The following PPP1R3A variants were observed in gnomAD, a reference collection of about 807,000 sequenced individuals.
The protein encoded by PPP1R3A is protein phosphatase 1 regulatory subunit 3A.
A neutral mutation model predicts 41.7 loss-of-function variants in PPP1R3A; 29 were observed. That is an observed-to-expected ratio of 0.70 (90% confidence interval 0.52 to 0.95). The LOEUF (loss-of-function observed/expected upper bound fraction) is 0.95, where lower values mean the gene tolerates loss of function less well. Among genes scored for constraint, PPP1R3A ranks in the 40% least tolerant of loss-of-function variants. The pLI is 0.00. For missense variants in PPP1R3A, 1,352 were observed against 1,292.4 expected, an observed-to-expected ratio of 1.05 and a Z score of -0.71; for synonymous variants, 485 against 453.4, an observed-to-expected ratio of 1.07 and a Z score of -0.89.
chr7:113,910,458 T>C (rs1187180351), intron 1 of PPP1R3A, among the ~76,000 whole-genome samples: 1 of 152,112 alleles, frequency 6.6e-6, no homozygotes, highest in Admixed American at 6.6e-5. Flanking sequence ...AATAATCTTA[T>C]GCACCTACTT....
At chr7:113,899,354 T>C (rs181202153) in intron 1 of PPP1R3A, among the ~76,000 whole-genome samples, 6 of 151,924 alleles carry the variant, frequency 3.9e-5, no homozygotes, top group Admixed American at 3.3e-4. Context: ...CGCTGTGTGA[T>C]GTACCTTTTT....
rs537413986 is a variant in PPP1R3A, at chr7:113,911,546, C to T, written c.782+6669G>A. ...TGTGCAATCAACTCAGATATTTAGTCCAAAAGAACCATCTTCAGAAGAACT... is the reference window on the plus strand; with the variant it reads ...TGTGCAATCAACTCAGATATTTAGTTCAAAAGAACCATCTTCAGAAGAACT... On this transcript the variant is annotated intron_variant, in intron 1 of 3. Coordinates refer to ENST00000284601, the MANE Select transcript of PPP1R3A (RefSeq NM_002711.4). Among the ~76,000 whole-genome samples the T allele has an allele frequency of 2.0e-5, 3 of 152,060 alleles. No individual in the cohort carries two copies. The South Asian group carries it at 6.2e-4, about 32-fold the overall frequency.
At chr7:113,886,410 C>A (rs1051449102) in intron 1 of PPP1R3A, among the ~76,000 whole-genome samples, 7 of 152,094 alleles carry the variant, frequency 4.6e-5, no homozygotes, top group Non-Finnish European at 1.0e-4. Flanking sequence ...CTGCTGCCAC[C>A]CATGTAAGAT....
chr7:113,916,773 T>C (rs538098957), intron 1 of PPP1R3A, among the ~76,000 whole-genome samples: 1 of 152,186 alleles, frequency 6.6e-6, no homozygotes, highest in South Asian at 2.1e-4. Flanking sequence ...GTTGAACTTA[T>C]TTTGTTAGTG....
chr7:113,899,257 A>C (rs2129118025), intron 1 of PPP1R3A, among the ~76,000 whole-genome samples: 1 of 151,866 alleles, frequency 6.6e-6, no homozygotes, highest in South Asian at 2.1e-4. Flanking sequence ...TATTGATTAA[A>C]ATCTGTGCTC....
chr7:113,879,243 C>T lies in PPP1R3A; in HGVS notation c.1849G>A (p.Val617Ile). Residue 617 changes from valine (V) to isoleucine (I), a missense_variant, in exon 4 of 4, where the codon GTT becomes ATT. Physicochemically the swap from Val to Ile is conservative, Grantham distance 29. Coordinates refer to ENST00000284601, the MANE Select transcript of PPP1R3A (RefSeq NM_002711.4). ...GSALGGITGQ[V>I]CSSRTGNVLR... ...ACATTTCCAGTTCTTGATGAACAAA[C>T]TTGACCAGTTATCCCTCCTAAAGCG... is the stretch of plus-strand genomic sequence containing the variant. The T allele has an allele frequency of 1.2e-6, 2 of 1,613,658 alleles. No individual in the cohort carries two copies. The highest frequency in any genetic ancestry group is 1.7e-6 in the Non-Finnish European group (2 of 1,179,750).
Position 113,882,144 on chromosome 7 carries a change from G to A in PPP1R3A, c.861C>T (p.Ile287=), listed in dbSNP as rs1416557912. 6.2e-7 allele frequency: 1 copy of A among 1,611,202 alleles called. No homozygotes were observed. The highest frequency in any genetic ancestry group is 1.3e-5 in the African/African-American group (1 of 74,824). Residue 287 remains isoleucine (I), a synonymous_variant, in exon 3 of 4, where the codon ATC becomes ATT. Coordinates refer to ENST00000284601, the MANE Select transcript of PPP1R3A (RefSeq NM_002711.4). ...CTTCCTTGTCCTCATGAGAACAAAT[G>A]ATTGTTGGGATATAGGTATCTGAAA... ...PKNTDTYIPT[I]ICSHEDKEDL... is the part of the protein sequence containing the mutation.
rs1796656345 is a variant in PPP1R3A at position 113,879,813 on chromosome 7, G to C, written c.1279C>G (p.Leu427Val). The change falls in exon 4 of 4, where the codon CTA (leucine) becomes GTA (valine). Residue 427 changes from leucine (L) to valine (V), a missense_variant. By Grantham distance (32) the Leu-to-Val change is conservative. Coordinates refer to ENST00000284601, the MANE Select transcript of PPP1R3A (RefSeq NM_002711.4). ...PSLGDTSSDELVQLHTGSKEV... is the reference protein window; with the variant it reads ...PSLGDTSSDEVVQLHTGSKEV... The stretch of plus-strand genomic sequence containing the variant: ...TTGCTGCCAGTATGTAATTGCACTA[G>C]TTCATCACTACTAGTATCTCCCAAT... 1 of 1,613,426 alleles carries C rather than the reference G, an allele frequency of 6.2e-7. No individual in the cohort carries two copies.
In PPP1R3A at chr7:113,877,993, G is replaced by T; in HGVS notation, c.3099C>A (p.Ser1033Arg). ...EARHENEGLV[S>R]SGQSLYTSGE... Reference sequence around the variant, plus strand: ...CTGAAGTGTATAGTGATTGCCCAGAGCTTACTAATCCTTCATTTTCATGCC... The same window carrying T: ...CTGAAGTGTATAGTGATTGCCCAGATCTTACTAATCCTTCATTTTCATGCC... Residue 1033 changes from serine (S) to arginine (R), a missense_variant, in exon 4 of 4, where the codon AGC (serine) becomes AGA (arginine). By Grantham distance (110) the Ser-to-Arg change is moderately radical (BLOSUM62 -1). Coordinates refer to ENST00000284601, the MANE Select transcript of PPP1R3A (RefSeq NM_002711.4). 1 of 1,613,292 alleles carries T rather than the reference G, an allele frequency of 6.2e-7. No homozygotes were observed. The highest frequency in any genetic ancestry group is 8.5e-7 in the Non-Finnish European group (1 of 1,179,628).
chr7:113,895,428 A>G (rs1163789204), intron 1 of PPP1R3A, among the ~76,000 whole-genome samples: 2 of 152,000 alleles, frequency 1.3e-5, no homozygotes, highest in African/African-American at 2.4e-5. Flanking sequence ...AGCCACAACA[A>G]TGAAGTGAAT....
chr7:113,907,280 T>C (rs1797163116), intron 1 of PPP1R3A, among the ~76,000 whole-genome samples: 2 of 151,780 alleles, frequency 1.3e-5, no homozygotes, highest in African/African-American at 4.8e-5. Flanking sequence ...GGAGGAACTT[T>C]CTAAATATTT....
chr7:113,879,271 G>A lies in PPP1R3A; in HGVS notation c.1821C>T (p.Gly607=). ...GACCAGTTATCCCTCCTAAAGCGCT[G>A]CCTTCACTAGTCAAATGATGATGCT... ...TPEHHHLTSE[G]SALGGITGQV... Residue 607 remains glycine, a synonymous_variant, in exon 4 of 4, where the codon GGC becomes GGT. Transcript: ENST00000284601. 6.2e-7 allele frequency: 1 copy of A among 1,613,604 alleles called. No homozygotes were observed. Among genetic ancestry groups the A allele is most frequent in the Non-Finnish European group, 8.5e-7 (1 of 1,179,710 alleles).
intron 1 of PPP1R3A, among the ~76,000 whole-genome samples, chr7:113,897,492 G>A (rs143510932): frequency 3.8e-4 from 58 of 151,372 alleles, no homozygotes; most frequent in Middle Eastern, 6.8e-3. Context: ...ACTGGAGTTC[G>A]AAGCTGCAGT....
chr7:113,899,482 A>T (rs1797029674), intron 1 of PPP1R3A, among the ~76,000 whole-genome samples: 1 of 151,964 alleles, frequency 6.6e-6, no homozygotes, highest in Admixed American at 6.6e-5. Context: ...TATTGTTATT[A>T]ATGCTTAAAA....
chr7:113,884,618 G>A (rs927693634), intron 1 of PPP1R3A, among the ~76,000 whole-genome samples: 3 of 151,878 alleles, frequency 2.0e-5, no homozygotes, highest in African/African-American at 7.3e-5. Flanking sequence ...GAAAATATAT[G>A]TGAATATCTT....
chr7:113,918,584 C>T lies in PPP1R3A; in HGVS notation c.413G>A (p.Gly138Glu). Residue 138 changes from glycine (G) to glutamate (E), a missense_variant, in exon 1 of 4, where the codon GGG becomes GAG. Coordinates refer to ENST00000284601, the MANE Select transcript of PPP1R3A (RefSeq NM_002711.4). ...AATAATACCCTTGATACTTGTAGAC[C>T]CAAGAAGAGACTCAGTTGACTCCAG... Reference protein sequence around the residue: ...AILESTESLLGSTSIKGIIRV... With the variant: ...AILESTESLLESTSIKGIIRV... The T allele has an allele frequency of 6.2e-7, 1 of 1,613,312 alleles. No individual in the cohort carries two copies. The highest frequency in any genetic ancestry group is 8.5e-7 in the Non-Finnish European group (1 of 1,179,618).
chr7:113,914,453 A>G (rs1009636278), intron 1 of PPP1R3A, among the ~76,000 whole-genome samples: 9 of 152,240 alleles, frequency 5.9e-5, no homozygotes, highest in Admixed American at 2.0e-4. Flanking sequence ...CAGCTTTAAG[A>G]TAATTCATAT....
chr7:113,912,560 G>A (rs1228253247), intron 1 of PPP1R3A, among the ~76,000 whole-genome samples: 2 of 152,014 alleles, frequency 1.3e-5, no homozygotes, highest in East Asian at 3.9e-4. Flanking sequence ...TGCCCTTGAG[G>A]TCTTTTCCCC....
At chr7:113,884,429 C>T (rs1246146539) in intron 1 of PPP1R3A, among the ~76,000 whole-genome samples, 1 of 151,774 alleles carries the variant, frequency 6.6e-6, no homozygotes, top group Non-Finnish European at 1.5e-5. Flanking sequence ...ACTAATAAGA[C>T]AAGATTGAGA....
Sources: gnomAD v4.1 joint callset for allele counts (sites outside exome capture counted in the v4.1 genomes callset) on GRCh38, gnomAD v4.1.1 for gene constraint, MANE v1.5 for transcripts, NCBI Gene and HGNC (gene_info 2026-07-23, HGNC 2026-07-21) for gene names.